OR8G5: variants seen among roughly 807,000 people sequenced by gnomAD.
The protein encoded by OR8G5 is olfactory receptor 8G5.
For missense variants in OR8G5, 347 were observed against 371.9 expected (o/e 0.93, Z 0.55); for synonymous variants, 147 against 147.7 (o/e 1.00, Z 0.03).
intron 1 of OR8G5, among the ~76,000 whole-genome samples, chr11:124,262,037 A>T (rs1012889515): frequency 6.6e-6 from 1 of 151,896 alleles, no homozygotes; most frequent in African/African-American, 2.4e-5. Flanking sequence ...TTTATACCTT[A>T]TATGCACATA....
chr11:124,258,742 C>A (rs570792412), intron 1 of OR8G5, among the ~76,000 whole-genome samples: 1 of 152,134 alleles, frequency 6.6e-6, no homozygotes, highest in South Asian at 2.1e-4. Flanking sequence ...CAAATGCTGA[C>A]CTCTAAGAGG....
At chr11:124,259,089 A>C (rs945724375) in intron 1 of OR8G5, among the ~76,000 whole-genome samples, 5 of 152,144 alleles carry the variant, frequency 3.3e-5, no homozygotes, top group Admixed American at 2.0e-4. Context: ...TCCCTGCTAC[A>C]TTTTAATTTG....
chr11:124,256,779 G>T (rs1861917607), intron 1 of OR8G5, 145 bp downstream of exon 1: 1 of 152,150 alleles, frequency 6.6e-6, no homozygotes. Flanking sequence ...TAAACTTTCA[G>T]TGATTTGCCA....
chr11:124,258,481 C>T (rs1306333608), intron 1 of OR8G5, among the ~76,000 whole-genome samples: 10 of 151,928 alleles, frequency 6.6e-5, no homozygotes, highest in Non-Finnish European at 1.0e-4. Flanking sequence ...TTGCTTGAAC[C>T]CAGGAGGTGA....
At chr11:124,259,703 T>C (rs1861948791) in intron 1 of OR8G5, among the ~76,000 whole-genome samples, 1 of 152,110 alleles carries the variant, frequency 6.6e-6, no homozygotes, top group African/African-American at 2.4e-5. Context: ...TGATCAATCA[T>C]ATTGGGAAAT....
chr11:124,261,433 A>G (rs1454045231), intron 1 of OR8G5, among the ~76,000 whole-genome samples: 1 of 152,006 alleles, frequency 6.6e-6, no homozygotes, highest in Non-Finnish European at 1.5e-5. Flanking sequence ...AAATATTGTG[A>G]TAGCCTAACA....
chr11:124,258,562 C>CAAAT (rs1006526995), intron 1 of OR8G5, among the ~76,000 whole-genome samples: 11 of 151,452 alleles, frequency 7.3e-5, no homozygotes, highest in African/African-American at 2.7e-4. Context: ...GACTCCATCT[C>CAAAT]AAATAAATAA....
At chr11:124,257,062 C>T (rs1217484423) in intron 1 of OR8G5, among the ~76,000 whole-genome samples, 1 of 152,130 alleles carries the variant, frequency 6.6e-6, no homozygotes, top group Non-Finnish European at 1.5e-5. Flanking sequence ...AAAAGTCAGA[C>T]AGCTAAGTGA....
intron 1 of OR8G5, among the ~76,000 whole-genome samples, chr11:124,258,947 CTAT>C (rs1290255135): frequency 1.3e-5 from 2 of 152,122 alleles, no homozygotes; most frequent in Non-Finnish European, 2.9e-5. Context: ...GCTTTATCAT[CTAT>C]TATTCTATGG....
rs1052534424 is a variant in OR8G5, at chr11:124,265,256, A to G, written c.325A>G (p.Ile109Val). 3 of 1,613,862 alleles carry G rather than the reference A, an allele frequency of 1.9e-6. No individual in the cohort carries two copies. Among genetic ancestry groups the G allele is most frequent in the African/African-American group, 2.7e-5 (2 of 74,920 alleles). The change falls in exon 2 of 2, where the codon ATT (isoleucine) becomes GTT (valine). Residue 109 changes from isoleucine (I) to valine (V), a missense_variant. Transcript: ENST00000641992. ...TQLYFFLVFA[I>V]AECHMLAAMA... is the part of the protein sequence containing the mutation. Reference sequence around the variant, plus strand: ...GCTCTACTTCTTCCTCGTTTTTGCTATTGCAGAGTGTCACATGTTGGCTGC... The same window carrying G: ...GCTCTACTTCTTCCTCGTTTTTGCTGTTGCAGAGTGTCACATGTTGGCTGC...
Position 124,266,126 on chromosome 11 carries a change from A to G in OR8G5, c.*259A>G, listed in dbSNP as rs924320245. The G allele has an allele frequency of 2.5e-6, 1 of 395,024 alleles. No homozygotes were observed. Among genetic ancestry groups the G allele is most frequent in the East Asian group, 4.6e-5 (1 of 21,542 alleles). The allele number at this position is 395,024 out of a possible 1,614,324, so 24.5% of individuals were successfully genotyped here. On this transcript the variant is annotated 3_prime_UTR_variant, in exon 2 of 2. Coordinates refer to ENST00000641992, the MANE Select transcript of OR8G5 (RefSeq NM_001005198.2). ...AGTGAAATAGTGGCATAACCTGATAATGCCAGTTACATTCCCTTCCCCCTT... is the reference window on the plus strand; with the variant it reads ...AGTGAAATAGTGGCATAACCTGATAGTGCCAGTTACATTCCCTTCCCCCTT...
At chr11:124,263,400 AG>A (rs1385867154) in intron 1 of OR8G5, among the ~76,000 whole-genome samples, 1 of 151,842 alleles carries the variant, frequency 6.6e-6, no homozygotes. Context: ...CACAATGTGC[AG>A]GTTTGTTACA....
chr11:124,262,509 G>A (rs1861981699), intron 1 of OR8G5, among the ~76,000 whole-genome samples: 1 of 150,852 alleles, frequency 6.6e-6, no homozygotes. Context: ...AAATCCTGTA[G>A]GTCTAGAGAG....
chr11:124,261,132 G>A (rs1394298888), intron 1 of OR8G5, among the ~76,000 whole-genome samples: 3 of 151,782 alleles, frequency 2.0e-5, no homozygotes, highest in Non-Finnish European at 4.4e-5. Context: ...GATTTCGTTC[G>A]TTTTTTGGCT....
chr11:124,265,873 AG>A lies in OR8G5; in HGVS notation c.*7del. 6.3e-7 allele frequency: 1 copy of A among 1,593,486 alleles called. No individual in the cohort carries two copies. The highest frequency in any genetic ancestry group is 1.1e-5 in the South Asian group (1 of 88,126). ...GGAAAAGAACATTCTTATGAACAGA[AG>A]TACAATGAAAAAGATTGCATTAGAT... On this transcript the variant is annotated 3_prime_UTR_variant, in exon 2 of 2. Transcript: ENST00000641992.
chr11:124,261,220 C>G (rs1038638534), intron 1 of OR8G5, among the ~76,000 whole-genome samples: 2 of 108,402 alleles, frequency 1.8e-5, no homozygotes, highest in African/African-American at 2.9e-5. Flanking sequence ...TTAAGTTTGT[C>G]TAATTTAAGA....
At chr11:124,263,808 A>G (rs2137760766) in intron 1 of OR8G5, among the ~76,000 whole-genome samples, 1 of 152,242 alleles carries the variant, frequency 6.6e-6, no homozygotes, top group South Asian at 2.1e-4. Flanking sequence ...TAGATTTTCT[A>G]AATTTTGTAT....
In OR8G5 at chr11:124,265,692, C is replaced by T; in HGVS notation, c.761C>T (p.Ser254Phe). Reference sequence around the variant, plus strand: ...TCGGCTGTTTCTGTTTTCTTTGGGTCTGCAGCATTCATGTACCTGCAGCCA... The same window carrying T: ...TCGGCTGTTTCTGTTTTCTTTGGGTTTGCAGCATTCATGTACCTGCAGCCA... ...HISAVSVFFG[S>F]AAFMYLQPSS... The change falls in exon 2 of 2, where the codon TCT (serine) becomes TTT (phenylalanine). Residue 254 changes from serine (S) to phenylalanine (F), a missense_variant. Ser to Phe is a radical substitution (Grantham distance 155). Coordinates refer to ENST00000641992, the MANE Select transcript of OR8G5 (RefSeq NM_001005198.2). 6.2e-7 allele frequency: 1 copy of T among 1,614,006 alleles called. No homozygotes were observed. The highest frequency in any genetic ancestry group is 8.5e-7 in the Non-Finnish European group (1 of 1,179,906).
intron 1 of OR8G5, among the ~76,000 whole-genome samples, chr11:124,257,092 C>T (rs1289721494): frequency 6.6e-6 from 1 of 152,150 alleles, no homozygotes; most frequent in African/African-American, 2.4e-5. Context: ...ATTCCAGGAA[C>T]TGAATGAAGC....
Sources: gnomAD v4.1 joint callset for allele counts (sites outside exome capture counted in the v4.1 genomes callset) on GRCh38, gnomAD v4.1.1 for gene constraint, MANE v1.5 for transcripts, NCBI Gene and HGNC (gene_info 2026-07-23, HGNC 2026-07-21) for gene names.